Variants in ADAM12 observed in about 807,000 individuals in gnomAD.
The protein encoded by ADAM12 is ADAM metallopeptidase domain 12.
Under a neutral mutation model 106.4 loss-of-function variants are expected in ADAM12, and 70 were observed. The ratio of observed to expected loss-of-function variants is 0.66; its 90% confidence interval spans 0.54 to 0.80. The LOEUF (loss-of-function observed/expected upper bound fraction) is 0.80, where lower values mean the gene tolerates loss of function less well. Among genes scored for constraint, ADAM12 ranks in the 30% least tolerant of loss-of-function variants. ADAM12 has a pLI of 0.00. For missense variants in ADAM12, 1,010 were observed against 1,171.9 expected, an observed-to-expected ratio of 0.86 and a Z score of 2.02; for synonymous variants, 420 against 433.5, an observed-to-expected ratio of 0.97 and a Z score of 0.39.
At chr10:126,368,996 A>G (rs544767504) in intron 1 of ADAM12, among the ~76,000 whole-genome samples, 1 of 152,206 alleles carries the variant, frequency 6.6e-6, no homozygotes, top group Admixed American at 6.5e-5. Flanking sequence ...TTTCTACCCA[A>G]TATGAAAATT....
chr10:126,200,817 G>C (rs1957685018), intron 3 of ADAM12, among the ~76,000 whole-genome samples: 2 of 145,818 alleles, frequency 1.4e-5, no homozygotes, highest in South Asian at 4.2e-4. Flanking sequence ...GGTTTGAGAT[G>C]GACGTTGGAG....
At chr10:126,180,273 T>C (rs1227066229) in intron 3 of ADAM12, among the ~76,000 whole-genome samples, 2 of 152,234 alleles carry the variant, frequency 1.3e-5, no homozygotes, top group African/African-American at 2.4e-5. Flanking sequence ...CCGAGCTTTC[T>C]GACTGCAGAG....
intron 18 of ADAM12, chr10:126,042,122 A>G: frequency 3.7e-6 from 6 of 1,613,084 alleles, no homozygotes; most frequent in Non-Finnish European, 5.1e-6. Flanking sequence ...TCTCCATGTC[A>G]TGGGAGGGCT....
chr10:126,094,809 G>T (rs766580253), intron 10 of ADAM12, among the ~76,000 whole-genome samples: 2 of 152,104 alleles, frequency 1.3e-5, no homozygotes, highest in Non-Finnish European at 2.9e-5. Context: ...GAGGTGTCCC[G>T]ATTCTCTGAC....
At chr10:126,140,697 T>C (rs1046915592) in intron 4 of ADAM12, among the ~76,000 whole-genome samples, 22 of 152,240 alleles carry the variant, frequency 1.4e-4, no homozygotes, top group African/African-American at 5.3e-4. Flanking sequence ...GCAATGACAA[T>C]TTCGTGAAAT....
chr10:126,178,249 C>T (rs1957253445), intron 3 of ADAM12, among the ~76,000 whole-genome samples: 1 of 151,996 alleles, frequency 6.6e-6, no homozygotes, highest in South Asian at 2.1e-4. Flanking sequence ...TACAAAGCTT[C>T]TTACCAGAGG....
chr10:126,344,709 TTTG>T (rs916834626), intron 1 of ADAM12, among the ~76,000 whole-genome samples: 15 of 148,012 alleles, frequency 1.0e-4, no homozygotes, highest in African/African-American at 4.0e-4. Flanking sequence ...TGAGCAGTGG[TTTG>T]TTGTTCTCCT....
chr10:126,309,580 C>T (rs1434751107), intron 2 of ADAM12, among the ~76,000 whole-genome samples: 2 of 152,156 alleles, frequency 1.3e-5, no homozygotes, highest in Non-Finnish European at 2.9e-5. Context: ...TAGAATGATG[C>T]ACTGGGTCCA....
chr10:126,113,731 T>TATATATATATAA (rs1176475501), intron 6 of ADAM12, among the ~76,000 whole-genome samples: 7 of 25,956 alleles, frequency 2.7e-4, no homozygotes, highest in African/African-American at 1.1e-3. Context: ...TATATATATA[T>TATATATATATAA]AATATATTGC....
At chr10:126,212,696 G>A (rs1001096703) in intron 3 of ADAM12, among the ~76,000 whole-genome samples, 1 of 152,118 alleles carries the variant, frequency 6.6e-6, no homozygotes, top group Admixed American at 6.5e-5. Context: ...TTAAGCATGA[G>A]CATTTGAATT....
chr10:126,327,727 A>G lies in ADAM12; in HGVS notation c.186+2685T>C, dbSNP rs1391586156. Among the ~76,000 whole-genome samples, 6 of 152,218 alleles carry G rather than the reference A, an allele frequency of 3.9e-5. No homozygotes were observed. The East Asian group carries it at 1.2e-3, about 29-fold the overall frequency. On this transcript the variant is annotated intron_variant, in intron 2 of 22. Transcript: ENST00000448723. ...AACACTGCATGTCACCTCTGGGGAA[A>G]AAGAGTCACAAAAAATTAATGTTAT... is the stretch of plus-strand genomic sequence containing the variant.
At position 126,017,140 on chromosome 10, in the gene ADAM12, C is replaced by T. The variant is rs557444468; in HGVS notation, c.*139G>A. 26 of 722,534 alleles carry T rather than the reference C, an allele frequency of 3.6e-5. No individual in the cohort carries two copies. Among genetic ancestry groups the T allele is most frequent in the African/African-American group, 2.9e-4 (16 of 55,898 alleles). 44.8% of individuals were successfully genotyped at this position (722,534 alleles called of 1,614,324 possible). ...GCACCATAGCACAGCACAGCACTGA[C>T]GGCAGTAGCTCAAAGTTCTTATAGT... On this transcript the variant is annotated 3_prime_UTR_variant, in exon 23 of 23. Coordinates refer to ENST00000448723, the MANE Select transcript of ADAM12 (RefSeq NM_001288973.2).
At chr10:126,212,025 G>A (rs1957912971) in intron 3 of ADAM12, among the ~76,000 whole-genome samples, 1 of 152,220 alleles carries the variant, frequency 6.6e-6, no homozygotes, top group Admixed American at 6.5e-5. Context: ...GGACTTACCT[G>A]GGGTTTCATC....
chr10:126,161,689 C>T (rs909588994), intron 3 of ADAM12, among the ~76,000 whole-genome samples: 7 of 152,140 alleles, frequency 4.6e-5, no homozygotes, highest in African/African-American at 1.7e-4. Flanking sequence ...TGAGAAGGCG[C>T]TGGATGGAGG....
At chr10:126,117,962 C>T in intron 6 of ADAM12, 76 bp downstream of exon 6, 3 of 1,503,820 alleles carry the variant, frequency 2.0e-6, no homozygotes, top group Non-Finnish European at 2.8e-6. Context: ...AACATTTCTC[C>T]AGATGTCCTA....
At chr10:126,163,373 C>T (rs936960719) in intron 3 of ADAM12, among the ~76,000 whole-genome samples, 7 of 152,082 alleles carry the variant, frequency 4.6e-5, no homozygotes, top group Admixed American at 3.3e-4. Context: ...CCTTTTTGGC[C>T]GAGTACTGTA....
chr10:126,033,939 G>A (rs544513400), intron 21 of ADAM12, among the ~76,000 whole-genome samples: 2 of 152,114 alleles, frequency 1.3e-5, no homozygotes, highest in African/African-American at 4.8e-5. Context: ...CTACAGATTT[G>A]CTTTAAAAAA....
intron 2 of ADAM12, among the ~76,000 whole-genome samples, chr10:126,294,331 G>C (rs1276389145): frequency 6.6e-6 from 1 of 152,202 alleles, no homozygotes; most frequent in Non-Finnish European, 1.5e-5. Flanking sequence ...AGAAAATGTA[G>C]TCCTTGCTGA....
At chr10:126,275,972 T>G (rs574341846) in intron 3 of ADAM12, among the ~76,000 whole-genome samples, 14 of 152,334 alleles carry the variant, frequency 9.2e-5, no homozygotes, top group Non-Finnish European at 1.5e-4. Context: ...ACTATTTTCA[T>G]TTTTTAGAAA....
Sources: gnomAD v4.1 joint callset for allele counts (sites outside exome capture counted in the v4.1 genomes callset) on GRCh38, gnomAD v4.1.1 for gene constraint, MANE v1.5 for transcripts, NCBI Gene and HGNC (gene_info 2026-07-23, HGNC 2026-07-21) for gene names.